The following PRKD1 variants were observed in gnomAD, a reference collection of about 807,000 sequenced individuals.
PRKD1 encodes the protein protein kinase D1.
A neutral mutation model predicts 95.9 loss-of-function variants in PRKD1; 63 were observed. The observed-to-expected ratio is 0.66, with a 90% CI of 0.54 to 0.81. The LOEUF is 0.81. Among genes scored for constraint, PRKD1 ranks in the 30% least tolerant of loss-of-function variants. PRKD1 has a pLI of 0.00. For missense variants in PRKD1, 1,048 were observed against 1,165.3 expected (o/e 0.90, Z 1.47); for synonymous variants, 425 against 423.1 (o/e 1.00, Z -0.05).
intron 4 of PRKD1, among the ~76,000 whole-genome samples, chr14:29,649,506 T>A (rs1222100307): frequency 1.3e-5 from 2 of 152,102 alleles, no homozygotes; most frequent in African/African-American, 2.4e-5. Context: ...TAGTTGATTT[T>A]TTTTTGGCTC....
intron 1 of PRKD1, among the ~76,000 whole-genome samples, chr14:29,900,704 T>C (rs749660337): frequency 1.3e-5 from 2 of 152,076 alleles, no homozygotes; most frequent in Non-Finnish European, 2.9e-5. Context: ...AAACAAGACA[T>C]ACAAGCAACA....
At chr14:29,694,289 G>T (rs560397731) in intron 2 of PRKD1, among the ~76,000 whole-genome samples, 1 of 152,250 alleles carries the variant, frequency 6.6e-6, no homozygotes, top group South Asian at 2.1e-4. Context: ...CACACTGTTA[G>T]TTCATATAGA....
chr14:29,857,607 G>C (rs1892554806), intron 1 of PRKD1, among the ~76,000 whole-genome samples: 1 of 152,178 alleles, frequency 6.6e-6, no homozygotes, highest in African/African-American at 2.4e-5. Context: ...CCTTCGTTCA[G>C]GTTAGGGTTA....
intron 1 of PRKD1, among the ~76,000 whole-genome samples, chr14:29,765,869 A>C (rs73259543): frequency 0.011 from 1,693 of 152,326 alleles, 33 homozygotes; most frequent in African/African-American, 0.038. Context: ...TTTTTAAAGA[A>C]TAGGAAAGGA....
chr14:29,695,161 G>A (rs1258282965), intron 2 of PRKD1, among the ~76,000 whole-genome samples: 1 of 151,520 alleles, frequency 6.6e-6, no homozygotes, highest in Non-Finnish European at 1.5e-5. Context: ...TTGAACCCGG[G>A]AGGCGGAGGT....
intron 1 of PRKD1, among the ~76,000 whole-genome samples, chr14:29,897,201 T>C (rs1894164618): frequency 1.3e-5 from 2 of 152,152 alleles, no homozygotes; most frequent in African/African-American, 4.8e-5. Context: ...AATAAAAATA[T>C]ATTTCCACAT....
intron 3 of PRKD1, 42 bp from the exon 4 acceptor site, chr14:29,663,901 T>C: frequency 6.3e-7 from 1 of 1,578,054 alleles, no homozygotes; most frequent in South Asian, 1.1e-5. Flanking sequence ...GAACCATAAA[T>C]TAAAAAGTGA....
chr14:29,924,390 A>G (rs1398603485), intron 1 of PRKD1, among the ~76,000 whole-genome samples: 1 of 152,226 alleles, frequency 6.6e-6, no homozygotes, highest in East Asian at 1.9e-4. Flanking sequence ...TCTAAATAAT[A>G]ACAATAATAA....
intron 13 of PRKD1, among the ~76,000 whole-genome samples, chr14:29,612,204 C>T (rs186548702): frequency 6.6e-6 from 1 of 152,092 alleles, no homozygotes; most frequent in Admixed American, 6.6e-5. Context: ...GGTTCTGTGG[C>T]AAAATGAGTT....
chr14:29,679,861 G>A (rs778762629), intron 2 of PRKD1, among the ~76,000 whole-genome samples: 3 of 151,888 alleles, frequency 2.0e-5, no homozygotes, highest in Non-Finnish European at 4.4e-5. Context: ...CCAAGTAGCT[G>A]AGAATACAGG....
chr14:29,586,247 G>T (rs1295285455), intron 16 of PRKD1, among the ~76,000 whole-genome samples: 1 of 152,180 alleles, frequency 6.6e-6, no homozygotes, highest in Non-Finnish European at 1.5e-5. Flanking sequence ...ATCTTGTTCA[G>T]TATCTGGAAT....
chr14:29,595,761 C>T (rs1049263397), intron 16 of PRKD1, among the ~76,000 whole-genome samples: 1 of 152,198 alleles, frequency 6.6e-6, no homozygotes, highest in Non-Finnish European at 1.5e-5. Context: ...TTTCCCCACA[C>T]CCAATTCCTG....
chr14:29,845,398 G>C (rs530536276), intron 1 of PRKD1, among the ~76,000 whole-genome samples: 1 of 152,086 alleles, frequency 6.6e-6, no homozygotes. Context: ...CTACCAATAT[G>C]ACTATTCACA....
chr14:29,637,206 A>G (rs1880444704), intron 6 of PRKD1, among the ~76,000 whole-genome samples: 1 of 152,214 alleles, frequency 6.6e-6, no homozygotes, highest in African/African-American at 2.4e-5. Flanking sequence ...AAATTTTCAC[A>G]TGAAAAAAGA....
At chr14:29,753,607 C>T (rs1887572403) in intron 1 of PRKD1, among the ~76,000 whole-genome samples, 1 of 152,096 alleles carries the variant, frequency 6.6e-6, no homozygotes, top group Admixed American at 6.6e-5. Flanking sequence ...TTCTACATAT[C>T]CTTTCTCCTC....
chr14:29,764,801 C>T (rs1157007191), intron 1 of PRKD1, among the ~76,000 whole-genome samples: 1 of 152,178 alleles, frequency 6.6e-6, no homozygotes, highest in Middle Eastern at 3.2e-3. Context: ...ATCATAGCAA[C>T]TGCATTTGCC....
At chr14:29,643,688 G>A (rs911981749) in intron 4 of PRKD1, among the ~76,000 whole-genome samples, 8 of 152,208 alleles carry the variant, frequency 5.3e-5, no homozygotes, top group Non-Finnish European at 1.0e-4. Flanking sequence ...CCACTTAGCA[G>A]TTCACAATGA....
chr14:29,693,079 T>G (rs1045335255), intron 2 of PRKD1, among the ~76,000 whole-genome samples: 4 of 152,054 alleles, frequency 2.6e-5, no homozygotes, highest in Admixed American at 6.6e-5. Context: ...TTTTTTTTGA[T>G]GCAAATGAGA....
chr14:29,631,545 G>A (rs115769839), intron 9 of PRKD1, among the ~76,000 whole-genome samples: 3,126 of 149,562 alleles, frequency 0.021, 107 homozygotes, highest in African/African-American at 0.066. Flanking sequence ...CGTCACCTAC[G>A]CTGGAGTGCA....
Sources: allele counts gnomAD v4.1 joint callset (sites outside exome capture counted in the v4.1 genomes callset), GRCh38; gene constraint gnomAD v4.1.1; transcripts MANE v1.5; gene names NCBI Gene and HGNC (gene_info 2026-07-23, HGNC 2026-07-21).